Variants in SMG7 observed in about 807,000 individuals in gnomAD.
SMG7 encodes the protein nonsense-mediated mRNA decay factor SMG7.
Under a neutral mutation model 148.2 loss-of-function variants are expected in SMG7, and 34 were observed. The ratio of observed to expected loss-of-function variants is 0.23; its 90% confidence interval spans 0.17 to 0.31. The LOEUF is 0.31. SMG7 is among the 10% of genes least tolerant of loss of function. The pLI, the probability that SMG7 is intolerant of heterozygous loss-of-function variation, is 1.00. For missense variants in SMG7, 1,114 were observed against 1,408.4 expected (o/e 0.79, Z 3.35); for synonymous variants, 492 against 515.1 (o/e 0.96, Z 0.61).
rs558911634 is a variant in SMG7 at position 183,553,048 on chromosome 1, C to T, written c.*1117C>T. 77 of 1,536,260 alleles carry T rather than the reference C, an allele frequency of 5.0e-5. No homozygotes were observed. Among genetic ancestry groups the T allele is most frequent in the Non-Finnish European group, 6.2e-5 (71 of 1,146,944 alleles). On this transcript the variant is annotated 3_prime_UTR_variant, in exon 23 of 23. Transcript: ENST00000688051. ...AAGAGGAAGGAAGCAGCAGTATCTG[C>T]GTAGCCCACAGAGGGCCCAGGCCCC...
chr1:183,537,903 T>C (rs534848280), intron 11 of SMG7, among the ~76,000 whole-genome samples: 143 of 152,334 alleles, frequency 9.4e-4, no homozygotes, highest in African/African-American at 3.3e-3. Context: ...ACTTTTTTTT[T>C]CCTCTTAAAT....
At chr1:183,487,246 C>T (rs1315608338) in intron 1 of SMG7, among the ~76,000 whole-genome samples, 1 of 152,178 alleles carries the variant, frequency 6.6e-6, no homozygotes, top group Non-Finnish European at 1.5e-5. Flanking sequence ...TTTCAGACTG[C>T]CCACATTCCT....
At chr1:183,485,956 G>A (rs1199296873) in intron 1 of SMG7, among the ~76,000 whole-genome samples, 1 of 152,148 alleles carries the variant, frequency 6.6e-6, no homozygotes, top group East Asian at 1.9e-4. Context: ...GCAAGACTGT[G>A]GTTAACTAGG....
chr1:183,519,696 A>G (rs192843396), intron 4 of SMG7, among the ~76,000 whole-genome samples: 6 of 152,246 alleles, frequency 3.9e-5, no homozygotes, highest in African/African-American at 1.4e-4. Context: ...ACTTTAATAT[A>G]TACTCTTCTT....
intron 1 of SMG7, 150 bp downstream of exon 1, chr1:183,472,799 C>A: frequency 1.6e-6 from 1 of 619,926 alleles, no homozygotes; most frequent in Non-Finnish European, 2.4e-6. Context: ...AGGGGATCTG[C>A]GGGAGGGGGC....
intron 1 of SMG7, among the ~76,000 whole-genome samples, chr1:183,484,974 A>T (rs1216171728): frequency 6.6e-6 from 1 of 152,170 alleles, no homozygotes; most frequent in Non-Finnish European, 1.5e-5. Flanking sequence ...AATAAGGAAT[A>T]ACTTCACAGA....
chr1:183,540,019 G>C (rs1486842803), intron 12 of SMG7, among the ~76,000 whole-genome samples: 1 of 152,122 alleles, frequency 6.6e-6, no homozygotes, highest in Non-Finnish European at 1.5e-5. Context: ...GCACTATCCA[G>C]CTCCTAGTTG....
In SMG7 at chr1:183,533,658, A is replaced by C; in HGVS notation, c.1007-18A>C. On this transcript the variant is annotated intron_variant, in intron 9 of 22. Transcript: ENST00000688051. ...GTTTCATATTTCTTATGCTTTTTGA[A>C]TACATTTTTTTTTCAAGTGTCTTTT... is the stretch of plus-strand genomic sequence containing the variant. 2 of 1,595,748 alleles carry C rather than the reference A, an allele frequency of 1.3e-6. No homozygotes were observed. Among genetic ancestry groups the C allele is most frequent in the Non-Finnish European group, 1.7e-6 (2 of 1,168,600 alleles).
Position 183,538,301 on chromosome 1 carries a change from T to A in SMG7, c.1235-79T>A, listed in dbSNP as rs1480567931. 9 of 916,868 alleles carry A rather than the reference T, an allele frequency of 9.8e-6. No individual in the cohort carries two copies. The East Asian group carries it at 1.7e-4, about 17-fold the overall frequency. 56.8% of individuals were successfully genotyped at this position (916,868 alleles called of 1,614,324 possible). A position where few individuals can be genotyped will look rare whatever the true frequency, so the allele number is the denominator to read the frequency against. Reference sequence around the variant, plus strand: ...TAATTTCTTTCTGTATGTTAATTTTTAAAAAAATTTAGTGAACAGTATTCC... The same window carrying A: ...TAATTTCTTTCTGTATGTTAATTTTAAAAAAAATTTAGTGAACAGTATTCC... On this transcript the variant is annotated intron_variant, in intron 11 of 22. Coordinates refer to ENST00000688051, the MANE Select transcript of SMG7 (RefSeq NM_001375584.1).
chr1:183,515,545 T>A (rs1267844654), intron 2 of SMG7, among the ~76,000 whole-genome samples: 1 of 151,758 alleles, frequency 6.6e-6, no homozygotes, highest in East Asian at 1.9e-4. Context: ...CTGTAAGGCA[T>A]ATAGTTTCCT....
intron 10 of SMG7, among the ~76,000 whole-genome samples, chr1:183,534,067 C>T (rs1667315507): frequency 6.6e-6 from 1 of 152,158 alleles, no homozygotes; most frequent in Admixed American, 6.5e-5. Flanking sequence ...CCCTTGTTCC[C>T]AGTTGCTGTC....
Position 183,527,653 on chromosome 1 carries a change from G to C in SMG7, c.485-303G>C. The C allele has an allele frequency of 2.0e-6, 1 of 500,432 alleles. No individual in the cohort carries two copies. The highest frequency in any genetic ancestry group is 4.1e-6 in the Non-Finnish European group (1 of 246,392). 31.0% of individuals were successfully genotyped at this position (500,432 alleles called of 1,614,324 possible). On this transcript the variant is annotated intron_variant, in intron 5 of 22. Coordinates refer to ENST00000688051, the MANE Select transcript of SMG7 (RefSeq NM_001375584.1). This position sits in a 1 kb window ranked among gnomAD's most constrained non-coding sequence, Gnocchi z 4.0. ...CCATATAACTCACCCCTTCTTGTGGGCCGGCTCCAGGTCACCAGCATAGTC... is the reference window on the plus strand; with the variant it reads ...CCATATAACTCACCCCTTCTTGTGGCCCGGCTCCAGGTCACCAGCATAGTC...
intron 1 of SMG7, among the ~76,000 whole-genome samples, chr1:183,482,832 A>G (rs1198102163): frequency 6.6e-6 from 1 of 152,202 alleles, no homozygotes; most frequent in Non-Finnish European, 1.5e-5. Flanking sequence ...ACTAATGTAC[A>G]TGTAATTCTG....
chr1:183,546,978 G>T (rs1309828063), intron 17 of SMG7, 125 bp from the exon 18 acceptor site: 51 of 906,066 alleles, frequency 5.6e-5, no homozygotes, highest in Middle Eastern at 2.6e-4. Flanking sequence ...TTTTCTCTTT[G>T]CCTAATACCA....
chr1:183,491,508 C>T (rs1464231183), intron 1 of SMG7, among the ~76,000 whole-genome samples: 2 of 152,060 alleles, frequency 1.3e-5, no homozygotes, highest in Non-Finnish European at 2.9e-5. Flanking sequence ...TAGAATGTTA[C>T]ATACATGCAC....
rs762335701 is a variant in SMG7 at position 183,553,125 on chromosome 1, C to G, written c.*1194C>G. On this transcript the variant is annotated 3_prime_UTR_variant, in exon 23 of 23. Transcript: ENST00000688051. The stretch of plus-strand genomic sequence containing the variant: ...ACTTTCAGAGTGAAATTCAAGGCAG[C>G]ACGGACATGTGCCCATCAGGCACAG... 5.2e-6 allele frequency: 8 copies of G among 1,536,354 alleles called. No homozygotes were observed. Among genetic ancestry groups the G allele is most frequent in the Non-Finnish European group, 7.0e-6 (8 of 1,146,944 alleles).
chr1:183,545,655 T>C (rs189881296), intron 16 of SMG7, among the ~76,000 whole-genome samples: 35 of 152,244 alleles, frequency 2.3e-4, no homozygotes, highest in African/African-American at 8.2e-4. Context: ...GTGACACCAA[T>C]CTTAAATGTT....
Position 183,533,256 on chromosome 1 carries a change from C to T in SMG7, c.936C>T (p.Ser312=). 1 of 1,614,010 alleles carries T rather than the reference C, an allele frequency of 6.2e-7. No individual in the cohort carries two copies. The highest frequency in any genetic ancestry group is 1.3e-5 in the African/African-American group (1 of 75,044). The change falls in exon 9 of 23, where the codon AGC becomes AGT. Residue 312 remains serine (S), a synonymous_variant. Coordinates refer to ENST00000688051, the MANE Select transcript of SMG7 (RefSeq NM_001375584.1). ...LFQLHHLRDF[S]NETEQHTYSQ... ...AACTTCATCACCTTCGTGACTTTAG[C>T]AATGAAACCGAGCAGCACACTTATA... is the stretch of plus-strand genomic sequence containing the variant.
intron 20 of SMG7, among the ~76,000 whole-genome samples, chr1:183,550,295 C>T (rs1465759778): frequency 2.0e-5 from 3 of 152,048 alleles, no homozygotes; most frequent in Non-Finnish European, 4.4e-5. Flanking sequence ...GACTCAAACT[C>T]CTGGGCTCAA....
Sources: gnomAD v4.1 joint callset for allele counts (sites outside exome capture counted in the v4.1 genomes callset) on GRCh38, gnomAD v4.1.1 for gene constraint, Gnocchi (gnomAD v3.1) non-coding constraint, MANE v1.5 for transcripts, NCBI Gene and HGNC (gene_info 2026-07-23, HGNC 2026-07-21) for gene names.